The following ZNF24 variants were observed in gnomAD, a reference collection of about 807,000 sequenced individuals.
ZNF24 encodes the protein retinoic acid suppression protein A.
A neutral mutation model predicts 40.9 loss-of-function variants in ZNF24; 11 were observed. The ratio of observed to expected loss-of-function variants is 0.27; its 90% CI spans 0.17 to 0.45. ZNF24 has a LOEUF of 0.45. Among genes scored for constraint, ZNF24 ranks in the 20% least tolerant of loss-of-function variants. The probability of loss-of-function intolerance (pLI) is 1.00; values close to 1 mark genes in which losing one functional copy is unlikely to be tolerated. For missense variants in ZNF24, 293 were observed against 437.7 expected (o/e 0.67, Z 2.95); for synonymous variants, 139 against 154.7 (o/e 0.90, Z 0.75).
chr18:35,341,423 A>T (rs1384515100), intron 1 of ZNF24, among the ~76,000 whole-genome samples: 1 of 152,164 alleles, frequency 6.6e-6, no homozygotes, highest in African/African-American at 2.4e-5. Context: ...ACAATAATAA[A>T]CGACTATGTT....
In ZNF24 at chr18:35,340,687, C is replaced by G; in HGVS notation, c.-37G>C. On this transcript the variant is annotated 5_prime_UTR_variant, in exon 2 of 4. Coordinates refer to ENST00000261332, the MANE Select transcript of ZNF24 (RefSeq NM_006965.4). This position sits in a 1 kb window ranked among gnomAD's most constrained non-coding sequence, Gnocchi z 4.6. The stretch of plus-strand genomic sequence containing the variant: ...ATATTTCAAGAAAAGACAACTGAGG[C>G]AGAATATAAGCCTCAGGGCAATACC... 1 of 1,587,862 alleles carries G rather than the reference C, an allele frequency of 6.3e-7. No homozygotes were observed.
chr18:35,337,067 T>A lies in ZNF24; in HGVS notation c.*165A>T, dbSNP rs1351281305. ...CTAGGCAGGTATGACACCATTTCTT[T>A]CAAGATAAATATCATAATGGTGAGT... On this transcript the variant is annotated 3_prime_UTR_variant, in exon 4 of 4. Coordinates refer to ENST00000261332, the MANE Select transcript of ZNF24 (RefSeq NM_006965.4). 6 of 580,250 alleles carry A rather than the reference T, an allele frequency of 1.0e-5. No homozygotes were observed. The highest frequency in any genetic ancestry group is 1.6e-5 in the Non-Finnish European group (6 of 378,332). 35.9% of individuals were successfully genotyped at this position (580,250 alleles called of 1,614,324 possible). A position where few individuals can be genotyped will look rare whatever the true frequency, so the allele number is the denominator to read the frequency against.
rs2044897756 is a variant in ZNF24 at position 35,335,445 on chromosome 18, T to C, written c.*1787A>G. On this transcript the variant is annotated 3_prime_UTR_variant, in exon 4 of 4. Transcript: ENST00000261332. ...AAACAAGCTCCATTCTGCCTCACTT[T>C]TCCACCAGCTGGCCTTGCATTTATT... 1 of 152,200 alleles carries C rather than the reference T, an allele frequency of 6.6e-6. No individual in the cohort carries two copies. Among genetic ancestry groups the C allele is most frequent in the South Asian group, 2.1e-4 (1 of 4,836 alleles). The allele number at this position is 152,200 out of a possible 1,614,324, so 9.4% of individuals were successfully genotyped here.
At position 35,340,542 on chromosome 18, in the gene ZNF24, C is replaced by T. The variant is rs753850709; in HGVS notation, c.109G>A (p.Gly37Arg). Reference sequence around the variant, plus strand: ...AGATGGTTCCAGGGGATACTTGATCCCTCTTCGCCATCAGGATCCTCCTCC... The same window carrying T: ...AGATGGTTCCAGGGGATACTTGATCTCTCTTCGCCATCAGGATCCTCCTCC... ...KLEEDPDGEEGSSIPWNHLPD... is the reference protein window; with the variant it reads ...KLEEDPDGEERSSIPWNHLPD... The change falls in exon 2 of 4, where the codon GGA becomes AGA. Residue 37 changes from glycine (G) to arginine (R), a missense_variant. By Grantham distance (125) the Gly-to-Arg change is moderately radical. Transcript: ENST00000261332. The surrounding 1 kb of genome is among the most constrained non-coding windows in gnomAD (Gnocchi z 4.6). 3 of 1,614,184 alleles carry T rather than the reference C, an allele frequency of 1.9e-6. No individual in the cohort carries two copies. The highest frequency in any genetic ancestry group is 1.3e-5 in the African/African-American group (1 of 75,034).
intron 3 of ZNF24, chr18:35,338,251 C>T (rs1165163251): frequency 1.1e-5 from 11 of 985,564 alleles, no homozygotes; most frequent in Non-Finnish European, 1.2e-5. Context: ...AGTCAGGTCA[C>T]AGCCAATGTT....
chr18:35,338,048 T>C, intron 3 of ZNF24: 1 of 561,244 alleles, frequency 1.8e-6, no homozygotes, highest in Non-Finnish European at 2.4e-6. Flanking sequence ...TCTAAGATGG[T>C]TAGGGAGATA....
chr18:35,337,641 C>G lies in ZNF24; in HGVS notation c.698G>C (p.Cys233Ser). 1 of 1,614,016 alleles carries G rather than the reference C, an allele frequency of 6.2e-7. No individual in the cohort carries two copies. Among genetic ancestry groups the G allele is most frequent in the African/African-American group, 1.3e-5 (1 of 75,008 alleles). The change falls in exon 4 of 4, where the codon TGT (cysteine) becomes TCT (serine). Residue 233 changes from cysteine to serine, a missense_variant. Coordinates refer to ENST00000261332, the MANE Select transcript of ZNF24 (RefSeq NM_006965.4). ...TCTTTCAAACCTGCCCTTGGGGAAA[C>G]AGGTTTCTCCATATTTAAAAATTTG... Reference protein sequence around the residue: ...VPQIFKYGETCFPKGRFERKR... With the variant: ...VPQIFKYGETSFPKGRFERKR...
chr18:35,339,297 T>G (rs1445317112), intron 3 of ZNF24, among the ~76,000 whole-genome samples: 1 of 152,222 alleles, frequency 6.6e-6, no homozygotes, highest in Non-Finnish European at 1.5e-5. Context: ...AGGCTTTTTT[T>G]GCATAAATAC....
chr18:35,337,144 C>CT lies in ZNF24; in HGVS notation c.*87dup. On this transcript the variant is annotated 3_prime_UTR_variant, in exon 4 of 4. Transcript: ENST00000261332. ...TTTCTGACAGTCAATAGGGAAAAAA[C>CT]TATTCTGCATCATTTCATATTTTAA... 8.9e-7 allele frequency: 1 copy of CT among 1,118,376 alleles called. No individual in the cohort carries two copies. The highest frequency in any genetic ancestry group is 1.2e-6 in the Non-Finnish European group (1 of 846,080). 69.3% of individuals were successfully genotyped at this position (1,118,376 alleles called of 1,614,324 possible).
intron 3 of ZNF24, among the ~76,000 whole-genome samples, chr18:35,339,326 T>A (rs1484735997): frequency 2.0e-5 from 3 of 152,084 alleles, no homozygotes; most frequent in Non-Finnish European, 4.4e-5. Flanking sequence ...AGGAAAAAAA[T>A]TACTCCAAAT....
Sources: gnomAD v4.1 joint callset for allele counts (sites outside exome capture counted in the v4.1 genomes callset) on GRCh38, gnomAD v4.1.1 for gene constraint, Gnocchi (gnomAD v3.1) non-coding constraint, MANE v1.5 for transcripts, NCBI Gene and HGNC (gene_info 2026-07-23, HGNC 2026-07-21) for gene names.